CSF2RA: variants seen among roughly 807,000 people sequenced by gnomAD.
The protein encoded by CSF2RA is colony stimulating factor 2 receptor subunit alpha.
Under a neutral mutation model 51.6 loss-of-function variants are expected in CSF2RA, and 42 were observed. That is an observed-to-expected ratio of 0.81 (90% CI 0.64 to 1.05). CSF2RA has a LOEUF of 1.05. Ranked by LOEUF, CSF2RA falls within the 50% of genes least tolerant of loss-of-function variation. The probability of loss-of-function intolerance (pLI) is 0.00; values close to 1 mark genes in which losing one functional copy is unlikely to be tolerated. For missense variants in CSF2RA, 530 were observed against 501.1 expected, an observed-to-expected ratio of 1.06 and a Z score of -0.55; for synonymous variants, 222 against 193.0, an observed-to-expected ratio of 1.15 and a Z score of -1.24.
At chrX:1,276,096 G>A (rs1363317575) in intron 2 of CSF2RA, among the ~76,000 whole-genome samples, 1 of 151,846 alleles carries the variant, frequency 6.6e-6, no homozygotes, top group African/African-American at 2.4e-5. Flanking sequence ...TGCCTCCGGA[G>A]CTGAAGCAAT....
the CSF2RA span, among the ~76,000 whole-genome samples, chrX:1,324,555 G>A: frequency 1.4e-5 from 2 of 145,720 alleles, no homozygotes; most frequent in Non-Finnish European, 3.0e-5. Flanking sequence ...GGAAAGAAAG[G>A]AAAGAAAAGA....
downstream of CSF2RA, among the ~76,000 whole-genome samples, chrX:1,314,932 G>GAACCTGCTCAACCC (rs2084487118): frequency 9.8e-6 from 1 of 102,086 alleles, no homozygotes; most frequent in African/African-American, 3.7e-5. Context: ...CAACCGCACT[G>GAACCTGCTCAACCC]CACTTGCCCA....
chrX:1,284,195 C>CTCTTTTTTTTTTTTTTTT (rs1443798206), intron 3 of CSF2RA, among the ~76,000 whole-genome samples: 1 of 91,750 alleles, frequency 1.1e-5, no homozygotes, highest in African/African-American at 3.9e-5. Flanking sequence ...CTCTGTCTCT[C>CTCTTTTTTTTTTTTTTTT]TTTTTTTTTT....
intron 2 of CSF2RA, among the ~76,000 whole-genome samples, chrX:1,281,354 CCTT>C (rs1325886570): frequency 2.3e-5 from 3 of 129,234 alleles, no homozygotes; most frequent in Admixed American, 7.7e-5. Flanking sequence ...TCCTCTTCCT[CCTT>C]CTCCTCCTCC....
the CSF2RA span, among the ~76,000 whole-genome samples, chrX:1,316,303 T>TAGATAGATAGAC: frequency 5.1e-5 from 7 of 138,456 alleles, no homozygotes; most frequent in South Asian, 2.3e-4. Flanking sequence ...GATAGATAGA[T>TAGATAGATAGAC]AGACAGACAG....
intron 9 of CSF2RA, among the ~76,000 whole-genome samples, chrX:1,296,085 A>C (rs1365175750): frequency 6.6e-6 from 1 of 150,630 alleles, no homozygotes; most frequent in African/African-American, 2.5e-5. Flanking sequence ...GCCCTGGCAT[A>C]ACCCTACAAT....
intron 9 of CSF2RA, among the ~76,000 whole-genome samples, chrX:1,298,743 ACCCCACATGAC>A (rs1402688854): frequency 7.1e-5 from 4 of 56,202 alleles, no homozygotes; most frequent in Admixed American, 4.8e-4. Context: ...CCCTAGTGTA[ACCCCACATGAC>A]CCCCAGTGTA....
At chrX:1,317,093 C>A in the CSF2RA span, among the ~76,000 whole-genome samples, 2 of 147,746 alleles carry the variant, frequency 1.4e-5, no homozygotes, top group Non-Finnish European at 3.0e-5. Flanking sequence ...ACTACAGGTG[C>A]CCACCACCAT....
chrX:1,314,323 T>A (rs1197032274), downstream of CSF2RA, among the ~76,000 whole-genome samples: 22 of 135,596 alleles, frequency 1.6e-4, no homozygotes, highest in African/African-American at 2.4e-4. Flanking sequence ...CCAACCACAC[T>A]GCACCTGCCC....
At chrX:1,306,612 A>C (rs2083594306) in intron 12 of CSF2RA, among the ~76,000 whole-genome samples, 2 of 152,122 alleles carry the variant, frequency 1.3e-5, no homozygotes, top group East Asian at 3.9e-4. Context: ...GCACCATTGC[A>C]CTCTAACCTG....
chrX:1,270,805 T>G lies in CSF2RA; in HGVS notation c.-91+1926T>G, dbSNP rs2088283230. On this transcript the variant is annotated intron_variant, in intron 1 of 12. Coordinates refer to ENST00000381529, the MANE Select transcript of CSF2RA (RefSeq NM_172245.4). ...GTGTAATCCCAGGACTTTGGGAGGC[T>G]GAGGTGGGCGGATCACCTGAGGTCA... 2.0e-5 allele frequency among the ~76,000 whole-genome samples: 3 copies of G among 150,788 alleles called. No homozygotes were observed. The South Asian group carries it at 6.3e-4, about 32-fold the overall frequency.
At position 1,288,807 on chromosome X, in the gene CSF2RA, C is replaced by T. The variant is rs762479130; in HGVS notation, c.392C>T (p.Ala131Val). 1.9e-5 allele frequency: 30 copies of T among 1,613,772 alleles called. No homozygotes were observed. Among genetic ancestry groups the T allele is most frequent in the African/African-American group, 2.7e-5 (2 of 74,908 alleles). ...AQNFSCFIYN[A>V]DLMNCTWARG... ...AATTTCTCCTGTTTCATCTACAATG[C>T]GGATTTAATGAACTGTACCTGGGCG... The change falls in exon 6 of 13, where the codon GCG becomes GTG. Residue 131 changes from alanine (A) to valine (V), a missense_variant. By Grantham distance (64) the Ala-to-Val change is moderately conservative. Transcript: ENST00000381529.
At position 1,290,336 on chromosome X, in the gene CSF2RA, G is replaced by A; in HGVS notation, c.474-1G>A. The A allele has an allele frequency of 6.2e-7, 1 of 1,612,804 alleles. No homozygotes were observed. On this transcript the variant is annotated splice_acceptor_variant, in intron 6 of 12. Coordinates refer to ENST00000381529, the MANE Select transcript of CSF2RA (RefSeq NM_172245.4). LOFTEE classifies it high-confidence loss of function. Reference sequence around the variant, plus strand: ...TCTCTGAGCACTTTCTAATCTTTCAGGAGAAGGAGGGAGATCCGGTGTCCT... The same window carrying A: ...TCTCTGAGCACTTTCTAATCTTTCAAGAGAAGGAGGGAGATCCGGTGTCCT...
intron 4 of CSF2RA, chrX:1,287,121 C>CT (rs1396132242): frequency 7.0e-6 from 1 of 142,738 alleles, no homozygotes; most frequent in African/African-American, 2.6e-5. Context: ...GATGGGTGGT[C>CT]TTGCTATGTT....
chrX:1,300,538 T>A lies in CSF2RA; in HGVS notation c.858T>A (p.Ser286=), dbSNP rs779425213. The change falls in exon 10 of 13, where the codon TCT becomes TCA. Residue 286 remains serine (S), a synonymous_variant. Transcript: ENST00000381529. The part of the protein sequence containing the change: ...DLENRYNFPS[S]EPRAKHSVKI... ...AAAATAGATACAACTTTCCAAGCTC[T>A]GAGCCCAGAGCAAAACACAGTGTGA... The A allele has an allele frequency of 6.2e-7, 1 of 1,614,006 alleles. No homozygotes were observed.
At chrX:1,318,842 G>A in the CSF2RA span, among the ~76,000 whole-genome samples, 10,913 of 149,056 alleles carry the variant, frequency 0.073, 520 homozygotes, top group East Asian at 0.21. Flanking sequence ...GTGTGAACCC[G>A]GGAGGCGGAG....
intron 2 of CSF2RA, among the ~76,000 whole-genome samples, chrX:1,275,314 C>T (rs1366933505): frequency 2.6e-5 from 4 of 151,710 alleles, no homozygotes; most frequent in Non-Finnish European, 4.4e-5. Flanking sequence ...TCGCTTGAAC[C>T]CAGGAGGCGT....
chrX:1,286,569 C>A lies in CSF2RA; in HGVS notation c.219+649C>A, dbSNP rs1330475541. ...GGGCAACAAGAGCAAAACTCTGTCT[C>A]CAAAAAAAAAAAAAAATAATAAATT... On this transcript the variant is annotated intron_variant, in intron 4 of 12. Coordinates refer to ENST00000381529, the MANE Select transcript of CSF2RA (RefSeq NM_172245.4). Among the ~76,000 whole-genome samples the A allele has an allele frequency of 2.7e-4, 17 of 61,910 alleles. No individual in the cohort carries two copies. In the South Asian group the frequency reaches 8.1e-3, roughly 29 times the overall value. 40.6% of individuals were successfully genotyped at this position (61,910 alleles called of 152,430 possible).
chrX:1,272,199 C>T (rs1224246497), intron 1 of CSF2RA, among the ~76,000 whole-genome samples: 1 of 151,866 alleles, frequency 6.6e-6, no homozygotes, highest in Non-Finnish European at 1.5e-5. Context: ...GGTGATCCGC[C>T]TGCCTCGGCC....
Sources: gnomAD v4.1 joint callset for allele counts (sites outside exome capture counted in the v4.1 genomes callset) on GRCh38, gnomAD v4.1.1 for gene constraint, MANE v1.5 for transcripts, NCBI Gene and HGNC (gene_info 2026-07-23, HGNC 2026-07-21) for gene names.